The following TRAF3IP1 variants were observed in gnomAD, a reference collection of about 807,000 sequenced individuals.
TRAF3IP1 encodes intraflagellar transport 54.
TRAF3IP1 carries 53 observed loss-of-function variants against 89.9 expected under a neutral mutation model. The observed-to-expected ratio is 0.59, with a 90% CI of 0.47 to 0.74. The LOEUF (loss-of-function observed/expected upper bound fraction) is 0.74, where lower values mean the gene tolerates loss of function less well. TRAF3IP1 is among the 30% of genes least tolerant of loss of function. The pLI, the probability that TRAF3IP1 is intolerant of heterozygous loss-of-function variation, is 0.00. For missense variants in TRAF3IP1, 806 were observed against 866.1 expected (o/e 0.93, Z 0.87); for synonymous variants, 311 against 322.1 (o/e 0.97, Z 0.37).
chr2:238,327,345 G>T (rs974523278), intron 3 of TRAF3IP1, among the ~76,000 whole-genome samples: 7 of 152,156 alleles, frequency 4.6e-5, no homozygotes, highest in African/African-American at 1.7e-4. Context: ...ATAGGCTGTT[G>T]TTTAATTGTT....
chr2:238,356,760 A>C (rs1699428410), intron 15 of TRAF3IP1, among the ~76,000 whole-genome samples: 1 of 151,344 alleles, frequency 6.6e-6, no homozygotes, highest in East Asian at 1.9e-4. Context: ...GGCTGATTGC[A>C]AAGTAAGAGA....
In TRAF3IP1 at chr2:238,370,318, G is replaced by A. The variant is rs370879562; in HGVS notation, c.1689+14238G>A. On this transcript the variant is annotated intron_variant, in intron 15 of 16. Transcript: ENST00000373327. ...ATGTGTGTATGTTTATGTCTGTATT[G>A]TGCATGTCTGTGTATGCGTATGTGT... Among the ~76,000 whole-genome samples, 8 of 151,984 alleles carry A rather than the reference G, an allele frequency of 5.3e-5. No individual in the cohort carries two copies. The East Asian group carries it at 5.8e-4, about 11-fold the overall frequency.
intron 14 of TRAF3IP1, among the ~76,000 whole-genome samples, 156 bp downstream of exon 14, chr2:238,353,365 C>G (rs549711514): frequency 1.7e-4 from 26 of 152,316 alleles, no homozygotes; most frequent in African/African-American, 6.3e-4. Context: ...ACATAGGACC[C>G]TGCGGGCATG....
chr2:238,338,556 A>C (rs1698492689), intron 8 of TRAF3IP1, 99 bp downstream of exon 8: 1 of 657,766 alleles, frequency 1.5e-6, no homozygotes, highest in Non-Finnish European at 2.5e-6. Context: ...TATTCTAACT[A>C]CTTTAATGTT....
chr2:238,376,672 A>T (rs67837773), intron 15 of TRAF3IP1, among the ~76,000 whole-genome samples: 17,028 of 152,216 alleles, frequency 0.11, 1,568 homozygotes, highest in African/African-American at 0.25. Context: ...TTAGATTTAT[A>T]TGTGGGTATT....
chr2:238,326,188 G>A (rs1192475006), intron 3 of TRAF3IP1, among the ~76,000 whole-genome samples: 3 of 152,322 alleles, frequency 2.0e-5, no homozygotes, highest in South Asian at 4.1e-4. Context: ...TATGTAATAC[G>A]CAAGTTCTGC....
intron 1 of TRAF3IP1, among the ~76,000 whole-genome samples, chr2:238,323,218 G>A (rs59631331): frequency 0.12 from 17,767 of 152,018 alleles, 1,767 homozygotes; most frequent in African/African-American, 0.27. Flanking sequence ...AGCTGGGACT[G>A]CAGGCACATG....
chr2:238,398,749 C>T lies in TRAF3IP1; in HGVS notation c.1911-5C>T, dbSNP rs925077639. 2 of 1,579,770 alleles carry T rather than the reference C, an allele frequency of 1.3e-6. No homozygotes were observed. Among genetic ancestry groups the T allele is most frequent in the African/African-American group, 1.4e-5 (1 of 73,036 alleles). On this transcript the variant is annotated splice_polypyrimidine_tract_variant and splice_region_variant and intron_variant, in intron 16 of 16. Transcript: ENST00000373327. The stretch of plus-strand genomic sequence containing the variant: ...TGATGAGCCGCTGGTTTTGTTCTCC[C>T]TCAGGATCACAGACTGTGCCGTGGA...
intron 15 of TRAF3IP1, among the ~76,000 whole-genome samples, chr2:238,366,539 C>T (rs1395410711): frequency 6.6e-6 from 1 of 152,026 alleles, no homozygotes; most frequent in African/African-American, 2.4e-5. Flanking sequence ...TTGATATGCC[C>T]ATTATCTTCT....
rs998692445 is a variant in TRAF3IP1, at chr2:238,351,196, G to A, written c.1452-1631G>A. ...GTGGGAGGTGGGATCATCCCAGCAG[G>A]GTTCAGGGACCCAAGGCCAGGATTT... On this transcript the variant is annotated intron_variant, in intron 12 of 16. Transcript: ENST00000373327. This position sits in a 1 kb window ranked among gnomAD's most constrained non-coding sequence, Gnocchi z 5.2. 1.3e-5 allele frequency among the ~76,000 whole-genome samples: 2 copies of A among 152,046 alleles called. No individual in the cohort carries two copies. The highest frequency in any genetic ancestry group is 1.3e-4 in the Admixed American group (2 of 15,256).
intron 5 of TRAF3IP1, 112 bp downstream of exon 5, chr2:238,329,454 C>T: frequency 2.1e-6 from 2 of 938,868 alleles, no homozygotes; most frequent in Non-Finnish European, 2.9e-6. Context: ...TCTTTTATGC[C>T]TATTTAAAAT....
At chr2:238,362,739 T>C (rs1017959055) in intron 15 of TRAF3IP1, among the ~76,000 whole-genome samples, 1 of 152,234 alleles carries the variant, frequency 6.6e-6, no homozygotes, top group Non-Finnish European at 1.5e-5. Context: ...TATCACAAAC[T>C]AGAACGTGTC....
chr2:238,333,792 A>C (rs1412590685), intron 6 of TRAF3IP1, among the ~76,000 whole-genome samples, 168 bp from the exon 7 acceptor site: 1 of 152,206 alleles, frequency 6.6e-6, no homozygotes, highest in African/African-American at 2.4e-5. Flanking sequence ...CGTGTAATTC[A>C]CAGTCTCAGG....
chr2:238,353,076 G>A lies in TRAF3IP1; in HGVS notation c.1576-97G>A, dbSNP rs970826089. The A allele has an allele frequency of 7.3e-5, 114 of 1,560,718 alleles. 1 individual carries two copies. The highest frequency in any genetic ancestry group is 9.0e-5 in the Non-Finnish European group (103 of 1,143,528). ...ATTTTTCAGTTAGTTTTCTACCTTC[G>A]TTAATTTTGTTGTTCTTTTTTTGAG... is the stretch of plus-strand genomic sequence containing the variant. On this transcript the variant is annotated intron_variant, in intron 13 of 16. Coordinates refer to ENST00000373327, the MANE Select transcript of TRAF3IP1 (RefSeq NM_015650.4).
chr2:238,338,480 T>C, intron 8 of TRAF3IP1, 23 bp downstream of exon 8: 3 of 1,322,110 alleles, frequency 2.3e-6, no homozygotes, highest in Non-Finnish European at 3.2e-6. Context: ...TATTCTTTAG[T>C]TTAAATTCCT....
At chr2:238,335,746 C>T (rs558817398) in intron 7 of TRAF3IP1, among the ~76,000 whole-genome samples, 166 of 148,968 alleles carry the variant, frequency 1.1e-3, no homozygotes, top group Non-Finnish European at 1.8e-3. Flanking sequence ...AGTGGTTGCT[C>T]GCTGGTTTAT....
At chr2:238,326,054 G>A (rs1697817913) in intron 3 of TRAF3IP1, 84 bp downstream of exon 3, 9 of 1,434,498 alleles carry the variant, frequency 6.3e-6, no homozygotes, top group Non-Finnish European at 8.5e-6. Flanking sequence ...ATGTGCGGGC[G>A]GTTTAGGGAA....
intron 15 of TRAF3IP1, among the ~76,000 whole-genome samples, chr2:238,372,711 T>C (rs934523574): frequency 6.6e-6 from 1 of 152,230 alleles, no homozygotes; most frequent in African/African-American, 2.4e-5. Flanking sequence ...AACCACACTG[T>C]CTTCCACAAC....
intron 10 of TRAF3IP1, among the ~76,000 whole-genome samples, chr2:238,348,275 G>A (rs1698992590): frequency 1.3e-5 from 2 of 151,832 alleles, no homozygotes; most frequent in Admixed American, 1.3e-4. Flanking sequence ...TATTCTTCTA[G>A]AACCCTGTAT....
Sources: allele counts gnomAD v4.1 joint callset (sites outside exome capture counted in the v4.1 genomes callset), GRCh38; gene constraint gnomAD v4.1.1; non-coding constraint Gnocchi (gnomAD v3.1); transcripts MANE v1.5; gene names NCBI Gene and HGNC (gene_info 2026-07-23, HGNC 2026-07-21).